The following ARL15 variants were observed in gnomAD, a reference collection of about 807,000 sequenced individuals.
ARL15 encodes the protein ARF like GTPase 15, also known as ADP-ribosylation factor-like protein 15.
ARL15 carries 19 observed loss-of-function variants against 25.2 expected under a neutral mutation model. That is an observed-to-expected ratio of 0.75 (90% CI 0.53 to 1.10). The LOEUF is 1.10. Among genes scored for constraint, ARL15 ranks in the 50% least tolerant of loss-of-function variants. The pLI, the probability that ARL15 is intolerant of heterozygous loss-of-function variation, is 0.00. For synonymous variants in ARL15, 94 were observed against 86.8 expected (o/e 1.08, Z -0.46); for missense variants, 220 against 246.0 (o/e 0.89, Z 0.71).
intron 4 of ARL15, among the ~76,000 whole-genome samples, chr5:53,936,987 G>A (rs922692891): frequency 2.0e-5 from 3 of 152,060 alleles, no homozygotes; most frequent in Non-Finnish European, 4.4e-5. Context: ...CATAAAACAG[G>A]AATGCAGAAA....
intron 1 of ARL15, among the ~76,000 whole-genome samples, chr5:54,293,347 AT>A (rs1356456550): frequency 6.7e-6 from 1 of 149,972 alleles, no homozygotes; most frequent in African/African-American, 2.5e-5. Context: ...TGATTAATAT[AT>A]AATAATAATA....
intron 4 of ARL15, among the ~76,000 whole-genome samples, chr5:54,096,708 C>A (rs530907805): frequency 6.6e-6 from 1 of 152,274 alleles, no homozygotes; most frequent in South Asian, 2.1e-4. Flanking sequence ...CCGTGCCCGG[C>A]CTAATAATGA....
chr5:54,061,843 C>G (rs1028020991), intron 4 of ARL15, among the ~76,000 whole-genome samples: 1 of 152,048 alleles, frequency 6.6e-6, no homozygotes, highest in Non-Finnish European at 1.5e-5. Flanking sequence ...TCCTCCTGAC[C>G]CTAGAATGGC....
At chr5:54,246,794 GCATACACACA>G (rs1554050197) in intron 1 of ARL15, among the ~76,000 whole-genome samples, 51 of 97,408 alleles carry the variant, frequency 5.2e-4, no homozygotes, top group African/African-American at 1.7e-3. Context: ...TACAAAGCAT[GCATACACACA>G]CACACACACA....
At chr5:53,945,264 T>G (rs996390257) in intron 4 of ARL15, among the ~76,000 whole-genome samples, 2 of 152,212 alleles carry the variant, frequency 1.3e-5, no homozygotes, top group Non-Finnish European at 2.9e-5. Context: ...TCTACATCAC[T>G]ATTACGTTGC....
intron 3 of ARL15, among the ~76,000 whole-genome samples, chr5:54,148,913 C>T (rs1753986653): frequency 6.6e-6 from 1 of 152,186 alleles, no homozygotes; most frequent in Non-Finnish European, 1.5e-5. Context: ...TCAATTCACA[C>T]ATACAATTTC....
At chr5:53,951,433 T>A (rs1373895659) in intron 4 of ARL15, 1 of 460,406 alleles carries the variant, frequency 2.2e-6, no homozygotes, top group African/African-American at 2.0e-5. Context: ...ATTTCCTAAA[T>A]GTTTACTCTC....
Position 54,171,884 on chromosome 5 carries a change from T to C in ARL15, c.93A>G (p.Pro31=). Residue 31 remains proline, a synonymous_variant, in exon 2 of 5, where the codon CCA becomes CCG. Coordinates refer to ENST00000504924, the MANE Select transcript of ARL15 (RefSeq NM_019087.3). ...GGCCTATGCAAACCAGGTCATATTC[T>C]GGTCGTGCAGGTGGTGGTCCCTTGC... The part of the protein sequence containing the change: ...LCCKGPPPAR[P]EYDLVCIGLT... The C allele has an allele frequency of 6.2e-7, 1 of 1,613,508 alleles. No individual in the cohort carries two copies. Among genetic ancestry groups the C allele is most frequent in the Non-Finnish European group, 8.5e-7 (1 of 1,179,582 alleles).
At chr5:53,892,668 T>C (rs1322497453) in intron 4 of ARL15, among the ~76,000 whole-genome samples, 1 of 151,530 alleles carries the variant, frequency 6.6e-6, no homozygotes, top group East Asian at 2.0e-4. Context: ...TGTGGCACAA[T>C]CATAGCTCAC....
chr5:54,119,735 T>C (rs1229824280), intron 3 of ARL15, among the ~76,000 whole-genome samples: 3 of 152,160 alleles, frequency 2.0e-5, no homozygotes, highest in African/African-American at 4.8e-5. Context: ...GTTTCCACCC[T>C]TATGCATTTG....
chr5:54,088,901 G>T (rs1752054606), intron 4 of ARL15, among the ~76,000 whole-genome samples: 1 of 152,212 alleles, frequency 6.6e-6, no homozygotes, highest in South Asian at 2.1e-4. Context: ...CCTACAAATT[G>T]AGCTGCAGCA....
At chr5:54,165,761 G>A (rs930254536) in intron 2 of ARL15, among the ~76,000 whole-genome samples, 4 of 137,234 alleles carry the variant, frequency 2.9e-5, no homozygotes, top group African/African-American at 5.7e-5. Context: ...TATAAATAGA[G>A]ACAGAGAAAT....
At chr5:53,967,344 C>A (rs1237833306) in intron 4 of ARL15, among the ~76,000 whole-genome samples, 1 of 151,970 alleles carries the variant, frequency 6.6e-6, no homozygotes, top group Non-Finnish European at 1.5e-5. Flanking sequence ...ACAATAAAAG[C>A]ATGTAAAAGT....
intron 1 of ARL15, among the ~76,000 whole-genome samples, chr5:54,216,105 G>GT (rs1422507692): frequency 1.3e-5 from 2 of 152,138 alleles, no homozygotes; most frequent in Non-Finnish European, 2.9e-5. Flanking sequence ...GAAATCTATT[G>GT]TAAGTCAAAC....
At chr5:54,138,819 A>G (rs142119419) in intron 3 of ARL15, among the ~76,000 whole-genome samples, 89 of 152,306 alleles carry the variant, frequency 5.8e-4, no homozygotes, top group African/African-American at 2.1e-3. Flanking sequence ...CAAACAAATC[A>G]GCAAGAAAAA....
rs10611567 is a variant in ARL15 at position 54,168,399 on chromosome 5, CTTTT to C, written c.193+3381_193+3384del. Among the ~76,000 whole-genome samples, 72 of 148,736 alleles carry C rather than the reference CTTTT, an allele frequency of 4.8e-4. 1 individual carries two copies. The highest frequency in any genetic ancestry group is 3.6e-3 in the East Asian group (18 of 5,066). On this transcript the variant is annotated intron_variant, in intron 2 of 4. Coordinates refer to ENST00000504924, the MANE Select transcript of ARL15 (RefSeq NM_019087.3). ...TTAAAACTCTGTCACATTCTCCCTA[CTTTT>C]TTTTTTTTTAACAATTCACCAAAAC... is the stretch of plus-strand genomic sequence containing the variant.
chr5:53,963,553 A>T (rs1747439491), intron 4 of ARL15, among the ~76,000 whole-genome samples: 2 of 152,210 alleles, frequency 1.3e-5, no homozygotes. Flanking sequence ...CACGCCTGTA[A>T]TTCCAACACT....
At chr5:54,068,197 T>C (rs1470337741) in intron 4 of ARL15, among the ~76,000 whole-genome samples, 1 of 152,174 alleles carries the variant, frequency 6.6e-6, no homozygotes, top group African/African-American at 2.4e-5. Flanking sequence ...TAACAGACTA[T>C]AGAGAAAATG....
chr5:53,993,046 C>CAAA (rs111255688), intron 4 of ARL15, among the ~76,000 whole-genome samples: 281 of 138,184 alleles, frequency 2.0e-3, no homozygotes, highest in African/African-American at 6.3e-3. Flanking sequence ...AACTCCTTCT[C>CAAA]AAAAAAAAAA....
Sources: allele counts gnomAD v4.1 joint callset (sites outside exome capture counted in the v4.1 genomes callset), GRCh38; gene constraint gnomAD v4.1.1; transcripts MANE v1.5; gene names NCBI Gene and HGNC (gene_info 2026-07-23, HGNC 2026-07-21).